GUCY1A2: variants seen among roughly 807,000 people sequenced by gnomAD.
The protein encoded by GUCY1A2 is guanylate cyclase soluble subunit alpha-2.
Under a neutral mutation model 63.5 loss-of-function variants are expected in GUCY1A2, and 27 were observed. The observed-to-expected ratio is 0.43, with a 90% CI of 0.31 to 0.59. The LOEUF (loss-of-function observed/expected upper bound fraction) is 0.59. Among genes scored for constraint, GUCY1A2 ranks in the 20% least tolerant of loss-of-function variants. The probability of loss-of-function intolerance (pLI) is 0.11; values close to 1 mark genes in which losing one functional copy is unlikely to be tolerated. For synonymous variants in GUCY1A2, 364 were observed against 343.5 expected (o/e 1.06, Z -0.66); for missense variants, 768 against 913.3 (o/e 0.84, Z 2.05).
At chr11:106,883,949 G>A (rs886674949) in intron 4 of GUCY1A2, among the ~76,000 whole-genome samples, 24 of 151,926 alleles carry the variant, frequency 1.6e-4, no homozygotes, top group African/African-American at 5.8e-4. Context: ...GACAGAAAAC[G>A]AAACACCACA....
At chr11:106,908,339 CAACA>C (rs1411033769) in intron 4 of GUCY1A2, among the ~76,000 whole-genome samples, 2 of 151,692 alleles carry the variant, frequency 1.3e-5, no homozygotes, top group African/African-American at 4.8e-5. Flanking sequence ...CTGAAGAACT[CAACA>C]AACATATGAA....
At chr11:107,013,460 T>C (rs1216811358) in intron 1 of GUCY1A2, among the ~76,000 whole-genome samples, 2 of 152,244 alleles carry the variant, frequency 1.3e-5, no homozygotes, top group Non-Finnish European at 1.5e-5. Flanking sequence ...TTGCTTAATA[T>C]GTATTCCCAA....
intron 5 of GUCY1A2, among the ~76,000 whole-genome samples, chr11:106,802,696 C>T (rs1244117180): frequency 6.6e-6 from 1 of 152,062 alleles, no homozygotes; most frequent in Non-Finnish European, 1.5e-5. Context: ...CAGGTGAGGG[C>T]TCTCTTCCTA....
intron 6 of GUCY1A2, among the ~76,000 whole-genome samples, chr11:106,722,478 G>C (rs1249877546): frequency 5.3e-5 from 8 of 151,940 alleles, no homozygotes; most frequent in African/African-American, 1.9e-4. Context: ...TTTCAGTACA[G>C]CTGTGATGTT....
intron 6 of GUCY1A2, among the ~76,000 whole-genome samples, chr11:106,730,767 C>T (rs1271143871): frequency 3.3e-5 from 5 of 152,070 alleles, no homozygotes; most frequent in Non-Finnish European, 5.9e-5. Context: ...TCCACAACCT[C>T]GCCAGTAGCT....
At chr11:106,988,212 A>G (rs1861426129) in intron 1 of GUCY1A2, among the ~76,000 whole-genome samples, 1 of 152,198 alleles carries the variant, frequency 6.6e-6, no homozygotes. Context: ...TGCTTTAACA[A>G]CCTAGTCCAT....
rs543687520 is a variant in GUCY1A2, at chr11:106,677,784, A to G, written c.*9765T>C. 2.8e-5 allele frequency: 6 copies of G among 211,470 alleles called. No individual in the cohort carries two copies. The highest frequency in any genetic ancestry group is 1.4e-4 in the African/African-American group (6 of 44,222). The allele number at this position is 211,470 out of a possible 1,614,324, so 13.1% of individuals were successfully genotyped here. On this transcript the variant is annotated 3_prime_UTR_variant, in exon 8 of 8. Coordinates refer to ENST00000526355, the MANE Select transcript of GUCY1A2 (RefSeq NM_000855.3). ...AAGTCTGATTTTTGTGTCTCTTTCC[A>G]TCTTCTCTACTGGTATCCATTCCTT...
At chr11:106,743,020 TA>T (rs1863722861) in intron 6 of GUCY1A2, among the ~76,000 whole-genome samples, 1 of 152,236 alleles carries the variant, frequency 6.6e-6, no homozygotes, top group Non-Finnish European at 1.5e-5. Context: ...ACCACACCAC[TA>T]AATTGCTACT....
At chr11:106,796,431 G>T (rs1249302826) in intron 5 of GUCY1A2, among the ~76,000 whole-genome samples, 1 of 152,156 alleles carries the variant, frequency 6.6e-6, no homozygotes, top group Non-Finnish European at 1.5e-5. Context: ...GCATGTTTTT[G>T]CAGTGGCTGG....
At chr11:106,827,052 A>C in intron 4 of GUCY1A2, 1 of 1,574,746 alleles carries the variant, frequency 6.4e-7, no homozygotes, top group Non-Finnish European at 8.7e-7. Flanking sequence ...CTCTTGGAAA[A>C]GTGAAGGACT....
chr11:106,855,839 A>G (rs572345296), intron 4 of GUCY1A2, among the ~76,000 whole-genome samples: 2 of 152,050 alleles, frequency 1.3e-5, no homozygotes, highest in South Asian at 4.1e-4. Context: ...TTGAAATCAG[A>G]AAGTATTAGT....
At chr11:107,014,159 G>A (rs894081748) in intron 1 of GUCY1A2, among the ~76,000 whole-genome samples, 1 of 137,568 alleles carries the variant, frequency 7.3e-6, no homozygotes. Flanking sequence ...CGCAATCTCG[G>A]CTCACTACAA....
At position 106,705,791 on chromosome 11, in the gene GUCY1A2, C is replaced by T. The variant is rs1381123934; in HGVS notation, c.1991+2721G>A. Reference sequence around the variant, plus strand: ...AGGAGAATCCCTTGAACCCGGGAGGCGGAGGTTGCAGTGAGCGGAGATTGT... The same window carrying T: ...AGGAGAATCCCTTGAACCCGGGAGGTGGAGGTTGCAGTGAGCGGAGATTGT... On this transcript the variant is annotated intron_variant, in intron 7 of 7. Transcript: ENST00000526355. Among the ~76,000 whole-genome samples, 6 of 151,956 alleles carry T rather than the reference C, an allele frequency of 3.9e-5. No homozygotes were observed. The East Asian group carries it at 5.8e-4, about 15-fold the overall frequency.
At chr11:106,827,072 A>T in intron 4 of GUCY1A2, 3 of 1,533,402 alleles carry the variant, frequency 2.0e-6, no homozygotes, top group Non-Finnish European at 2.7e-6. Flanking sequence ...TTTTTCTTCA[A>T]AATTCTAAAC....
chr11:106,827,130 A>T (rs1423379619), intron 4 of GUCY1A2: 28 of 1,480,030 alleles, frequency 1.9e-5, no homozygotes, highest in Non-Finnish European at 2.6e-5. Context: ...CTTCAAGGTG[A>T]ATCTTATGAG....
intron 4 of GUCY1A2, among the ~76,000 whole-genome samples, chr11:106,883,186 T>C (rs1419458059): frequency 6.6e-6 from 1 of 152,056 alleles, no homozygotes; most frequent in Non-Finnish European, 1.5e-5. Context: ...ATCTTTTAAG[T>C]CCCACAACAC....
chr11:106,894,802 G>A (rs1477683540), intron 4 of GUCY1A2, among the ~76,000 whole-genome samples: 1 of 151,944 alleles, frequency 6.6e-6, no homozygotes, highest in African/African-American at 2.4e-5. Flanking sequence ...CATATATAAG[G>A]AGAAAAGATC....
chr11:107,011,201 A>G (rs1292554244), intron 1 of GUCY1A2, among the ~76,000 whole-genome samples: 1 of 152,162 alleles, frequency 6.6e-6, no homozygotes, highest in Non-Finnish European at 1.5e-5. Context: ...CTCCCGGCCT[A>G]TGTGCCTACA....
intron 5 of GUCY1A2, among the ~76,000 whole-genome samples, chr11:106,788,479 A>G (rs1864603692): frequency 3.9e-5 from 6 of 152,060 alleles, no homozygotes; most frequent in Admixed American, 3.9e-4. Context: ...TGTCCTGAAG[A>G]GTTTCTCTAA....
Sources: allele counts gnomAD v4.1 joint callset (sites outside exome capture counted in the v4.1 genomes callset), GRCh38; gene constraint gnomAD v4.1.1; transcripts MANE v1.5; gene names NCBI Gene and HGNC (gene_info 2026-07-23, HGNC 2026-07-21).